MYO3B: variants seen among roughly 807,000 people sequenced by gnomAD.
MYO3B encodes myosin IIIB.
A neutral mutation model predicts 174.6 loss-of-function variants in MYO3B; 156 were observed. That is an observed-to-expected ratio of 0.89 (90% confidence interval 0.78 to 1.02). The LOEUF is 1.02. Among genes scored for constraint, MYO3B ranks in the 50% least tolerant of loss-of-function variants. MYO3B has a pLI of 0.00. For missense variants in MYO3B, 1,632 were observed against 1,639.4 expected (o/e 1.00, Z 0.08); for synonymous variants, 563 against 569.1 (o/e 0.99, Z 0.15).
chr2:170,446,579 T>C (rs972845918), intron 23 of MYO3B, among the ~76,000 whole-genome samples: 1 of 151,984 alleles, frequency 6.6e-6, no homozygotes, highest in African/African-American at 2.4e-5. Flanking sequence ...AAAATCCTAA[T>C]AATTAAGGCA....
intron 7 of MYO3B, among the ~76,000 whole-genome samples, chr2:170,292,938 TG>T (rs537652734): frequency 2.3e-4 from 35 of 152,312 alleles, no homozygotes; most frequent in African/African-American, 8.2e-4. Flanking sequence ...GAATCCAAGC[TG>T]GTGGGAAAGC....
intron 2 of MYO3B, 53 bp from the exon 3 acceptor site, chr2:170,200,097 C>A: frequency 6.4e-7 from 1 of 1,563,606 alleles, no homozygotes. Context: ...CATATCTGTA[C>A]CCTTCCTTAC....
At chr2:170,218,153 A>G (rs2092851284) in intron 6 of MYO3B, among the ~76,000 whole-genome samples, 1 of 152,152 alleles carries the variant, frequency 6.6e-6, no homozygotes, top group Non-Finnish European at 1.5e-5. Context: ...GTGACTGCCA[A>G]AGTGGTCTCC....
At chr2:170,505,249 G>C (rs1687552779) in intron 28 of MYO3B, among the ~76,000 whole-genome samples, 1 of 152,108 alleles carries the variant, frequency 6.6e-6, no homozygotes, top group Non-Finnish European at 1.5e-5. Flanking sequence ...TTGTCTATCA[G>C]TTTCTTTTCT....
At chr2:170,291,812 T>A (rs1286435593) in intron 7 of MYO3B, among the ~76,000 whole-genome samples, 3 of 151,962 alleles carry the variant, frequency 2.0e-5, no homozygotes, top group Non-Finnish European at 2.9e-5. Flanking sequence ...AAATTGGAGA[T>A]CCTTTATATC....
chr2:170,543,950 A>T lies in MYO3B; in HGVS notation c.3695A>T (p.Gln1232Leu), dbSNP rs746018034. Residue 1232 changes from glutamine (Q) to leucine (L), a missense_variant, in exon 32 of 35, where the codon CAG becomes CTG. By Grantham distance (113) the Gln-to-Leu change is moderately radical. Coordinates refer to ENST00000408978, the MANE Select transcript of MYO3B (RefSeq NM_138995.5). ...CGGATATGCCATCCTGCTCCAGATCAGCAAGGATTGAGTCTCTGGGGAGCC... is the reference window on the plus strand; with the variant it reads ...CGGATATGCCATCCTGCTCCAGATCTGCAAGGATTGAGTCTCTGGGGAGCC... ...SSRICHPAPD[Q>L]QGLSLWGAPQ... 1.2e-6 allele frequency: 2 copies of T among 1,613,346 alleles called. No individual in the cohort carries two copies. Among genetic ancestry groups the T allele is most frequent in the Non-Finnish European group, 1.7e-6 (2 of 1,179,420 alleles).
At chr2:170,494,206 T>C (rs16858504) in intron 25 of MYO3B, among the ~76,000 whole-genome samples, 6,107 of 152,328 alleles carry the variant, frequency 0.04, 325 homozygotes, top group African/African-American at 0.12. Context: ...TTGCTTTTGC[T>C]AACAAACTGC....
chr2:170,190,213 C>G (rs1443956584), intron 1 of MYO3B, among the ~76,000 whole-genome samples: 1 of 152,164 alleles, frequency 6.6e-6, no homozygotes, highest in Non-Finnish European at 1.5e-5. Flanking sequence ...CTCTGTCTCT[C>G]TCTTTCCTGA....
intron 23 of MYO3B, among the ~76,000 whole-genome samples, chr2:170,457,191 T>C (rs1253730913): frequency 6.6e-6 from 1 of 152,228 alleles, no homozygotes; most frequent in Non-Finnish European, 1.5e-5. Context: ...CCTGAGACAT[T>C]AGTGTACACT....
intron 8 of MYO3B, among the ~76,000 whole-genome samples, chr2:170,338,700 T>C (rs1004170171): frequency 3.3e-5 from 5 of 152,162 alleles, no homozygotes; most frequent in Non-Finnish European, 5.9e-5. Context: ...CCTCCCGGGA[T>C]CAAATGATTC....
Position 170,392,507 on chromosome 2 carries a change from T to C in MYO3B, c.1791+12T>C. The stretch of plus-strand genomic sequence containing the variant: ...GGTTCACGGACAAAGTAAGTGATGA[T>C]CAAGAGAGGAACTCAAGTGACAATA... On this transcript the variant is annotated intron_variant, in intron 16 of 34. Transcript: ENST00000408978. 1 of 1,476,894 alleles carries C rather than the reference T, an allele frequency of 6.8e-7. No individual in the cohort carries two copies. Among genetic ancestry groups the C allele is most frequent in the Non-Finnish European group, 9.2e-7 (1 of 1,087,136 alleles). 91.5% of individuals were successfully genotyped at this position (1,476,894 alleles called of 1,614,324 possible). A position where few individuals can be genotyped will look rare whatever the true frequency, so the allele number is the denominator to read the frequency against.
chr2:170,313,805 C>T lies in MYO3B; in HGVS notation c.750-21580C>T, dbSNP rs750022757. Among the ~76,000 whole-genome samples, 9 of 152,072 alleles carry T rather than the reference C, an allele frequency of 5.9e-5. 1 individual carries two copies. The highest frequency in any genetic ancestry group is 1.7e-4 in the African/African-American group (7 of 41,398). ...GTCCATCAAGTCTTCAAAAGCCAGCCGGAATGTAATTGTAATCTATTTTCC... is the reference window on the plus strand; with the variant it reads ...GTCCATCAAGTCTTCAAAAGCCAGCTGGAATGTAATTGTAATCTATTTTCC... On this transcript the variant is annotated intron_variant, in intron 7 of 34. Coordinates refer to ENST00000408978, the MANE Select transcript of MYO3B (RefSeq NM_138995.5).
At chr2:170,437,896 A>G (rs2094767109) in intron 22 of MYO3B, among the ~76,000 whole-genome samples, 1 of 152,130 alleles carries the variant, frequency 6.6e-6, no homozygotes, top group Non-Finnish European at 1.5e-5. Context: ...ATCTTTTTCA[A>G]TGATTAGCAG....
chr2:170,377,285 C>A (rs2094301010), intron 9 of MYO3B, among the ~76,000 whole-genome samples: 1 of 152,178 alleles, frequency 6.6e-6, no homozygotes, highest in African/African-American at 2.4e-5. Flanking sequence ...GAGAATAATT[C>A]TTCTAGTGTT....
intron 16 of MYO3B, among the ~76,000 whole-genome samples, chr2:170,398,118 G>A (rs530748690): frequency 6.6e-6 from 1 of 151,588 alleles, no homozygotes; most frequent in South Asian, 2.1e-4. Context: ...AGCTACTCAG[G>A]AGGCTGAGGC....
rs1273415538 is a variant in MYO3B at position 170,180,620 on chromosome 2, CAT to C, written c.2+2334_2+2335del. On this transcript the variant is annotated intron_variant, in intron 1 of 34. Transcript: ENST00000408978. The stretch of plus-strand genomic sequence containing the variant: ...ATATTTATTTTAAAAAGTAGAATAA[CAT>C]ATGCACTAGCAAAAAACATGACTAA... 8.5e-5 allele frequency among the ~76,000 whole-genome samples: 13 copies of C among 152,208 alleles called. No homozygotes were observed. The East Asian group carries it at 2.3e-3, about 27-fold the overall frequency.
rs71399532 is a variant in MYO3B at position 170,399,242 on chromosome 2, C to CAAAAAAAAAAAAAA, written c.1792-935_1792-922dup. On this transcript the variant is annotated intron_variant, in intron 16 of 34. Transcript: ENST00000408978. The stretch of plus-strand genomic sequence containing the variant: ...GGGCAACAAGAGCGAAATTCCGTCT[C>CAAAAAAAAAAAAAA]AAAAAAAAAAAAAAAAAAAAAAAAG... Among the ~76,000 whole-genome samples the CAAAAAAAAAAAAAA allele has an allele frequency of 1.8e-3, 28 of 15,598 alleles. 1 individual carries two copies. Among genetic ancestry groups the CAAAAAAAAAAAAAA allele is most frequent in the Non-Finnish European group, 3.2e-3 (24 of 7,452 alleles). 10.2% of individuals were successfully genotyped at this position (15,598 alleles called of 152,430 possible). A position where few individuals can be genotyped will look rare whatever the true frequency, so the allele number is the denominator to read the frequency against.
At chr2:170,602,182 T>C (rs1432105389) in intron 32 of MYO3B, 41 of 1,241,136 alleles carry the variant, frequency 3.3e-5, no homozygotes, top group Non-Finnish European at 4.3e-5. Context: ...AAAAAATGCA[T>C]ATGATGACAT....
intron 32 of MYO3B, among the ~76,000 whole-genome samples, chr2:170,626,804 T>C (rs1023899588): frequency 7.9e-5 from 12 of 152,226 alleles, no homozygotes; most frequent in African/African-American, 2.7e-4. Context: ...CCTTCACTTA[T>C]GAAGCTTAGT....
Sources: gnomAD v4.1 joint callset for allele counts (sites outside exome capture counted in the v4.1 genomes callset) on GRCh38, gnomAD v4.1.1 for gene constraint, MANE v1.5 for transcripts, NCBI Gene and HGNC (gene_info 2026-07-23, HGNC 2026-07-21) for gene names.